WDFY2: variants seen among roughly 807,000 people sequenced by gnomAD.
The protein encoded by WDFY2 is WD repeat and FYVE domain containing 2.
WDFY2 carries 36 observed loss-of-function variants against 56.4 expected under a neutral mutation model. That is an observed-to-expected ratio of 0.64 (90% CI 0.49 to 0.84). The LOEUF (loss-of-function observed/expected upper bound fraction) is 0.84, where lower values mean the gene tolerates loss of function less well. Among genes scored for constraint, WDFY2 ranks in the 40% least tolerant of loss-of-function variants. The probability of loss-of-function intolerance (pLI) is 0.00; values close to 1 mark genes in which losing one functional copy is unlikely to be tolerated. For missense variants in WDFY2, 444 were observed against 512.2 expected (o/e 0.87, Z 1.29); for synonymous variants, 176 against 183.7 (o/e 0.96, Z 0.34).
chr13:51,685,361 C>T (rs1161887997), intron 3 of WDFY2, among the ~76,000 whole-genome samples: 5 of 152,300 alleles, frequency 3.3e-5, no homozygotes, highest in African/African-American at 1.2e-4. Flanking sequence ...GTTAGGGGCA[C>T]TGACCCCACC....
chr13:51,667,740 T>A (rs1566096548), intron 2 of WDFY2, among the ~76,000 whole-genome samples: 1 of 152,182 alleles, frequency 6.6e-6, no homozygotes, highest in Non-Finnish European at 1.5e-5. Flanking sequence ...ATCCATTTAT[T>A]GCTTTCTTTT....
At chr13:51,709,889 T>A (rs1952170820) in intron 4 of WDFY2, among the ~76,000 whole-genome samples, 1 of 152,138 alleles carries the variant, frequency 6.6e-6, no homozygotes, top group African/African-American at 2.4e-5. Flanking sequence ...CTTCTGAAAC[T>A]ATTCCAATCA....
Position 51,759,951 on chromosome 13 carries a change from CT to C in WDFY2, c.*183del. 1 of 567,490 alleles carries C rather than the reference CT, an allele frequency of 1.8e-6. No homozygotes were observed. The highest frequency in any genetic ancestry group is 3.2e-6 in the Non-Finnish European group (1 of 314,334). The allele number at this position is 567,490 out of a possible 1,614,324, so 35.2% of individuals were successfully genotyped here. Reference sequence around the variant, plus strand: ...TGGCCAGTGAGCACTCGCAAGGGGACTCTTCCAACTTGTTCATACAATATAA... The same window carrying C: ...TGGCCAGTGAGCACTCGCAAGGGGACCTTCCAACTTGTTCATACAATATAA... On this transcript the variant is annotated 3_prime_UTR_variant, in exon 12 of 12. Coordinates refer to ENST00000298125, the MANE Select transcript of WDFY2 (RefSeq NM_052950.4).
intron 1 of WDFY2, among the ~76,000 whole-genome samples, chr13:51,650,420 C>T (rs1225483039): frequency 8.5e-5 from 13 of 152,188 alleles, no homozygotes; most frequent in South Asian, 8.3e-4. Context: ...TTCTCCTGCC[C>T]GATTGCCCTG....
At position 51,619,101 on chromosome 13, in the gene WDFY2, A is replaced by G. The variant is rs533393825; in HGVS notation, c.137+34277A>G. 3.3e-5 allele frequency among the ~76,000 whole-genome samples: 5 copies of G among 152,298 alleles called. No individual in the cohort carries two copies. In the South Asian group the frequency reaches 1.0e-3, roughly 32 times the overall value. On this transcript the variant is annotated intron_variant, in intron 1 of 11. Transcript: ENST00000298125. ...CTTTCTTTGATTTTCTCTCACATCT[A>G]TGTCTTTTCTATTATTCTTCATAAG...
At position 51,760,058 on chromosome 13, in the gene WDFY2, G is replaced by T; in HGVS notation, c.*289G>T. The stretch of plus-strand genomic sequence containing the variant: ...TGAGTGTACCGAAAAATCTGTGTGG[G>T]GTGTTTAATTTTTATACTTTTCAAC... On this transcript the variant is annotated 3_prime_UTR_variant, in exon 12 of 12. Transcript: ENST00000298125. The T allele has an allele frequency of 6.4e-6, 2 of 314,056 alleles. No homozygotes were observed. The highest frequency in any genetic ancestry group is 1.2e-5 in the Non-Finnish European group (2 of 172,374). 19.5% of individuals were successfully genotyped at this position (314,056 alleles called of 1,614,324 possible).
In WDFY2 at chr13:51,739,066, T is replaced by A. The variant is rs1424260853; in HGVS notation, c.616T>A (p.Cys206Ser). The A allele has an allele frequency of 6.3e-7, 1 of 1,596,088 alleles. No homozygotes were observed. The highest frequency in any genetic ancestry group is 8.5e-7 in the Non-Finnish European group (1 of 1,171,440). The change falls in exon 7 of 12, where the codon TGT becomes AGT. Residue 206 changes from cysteine (C) to serine (S), a missense_variant. Physicochemically the swap from Cys to Ser is moderately radical, Grantham distance 112 (BLOSUM62 -1). Coordinates refer to ENST00000298125, the MANE Select transcript of WDFY2 (RefSeq NM_052950.4). ...RGHTGGVTAL[C>S]WDPVQRVLFS... The stretch of plus-strand genomic sequence containing the variant: ...CCTCTCAGGTGGGGTGACCGCTCTC[T>A]GTTGGGACCCAGTCCAGCGGGTGTT...
At chr13:51,758,155 A>C in intron 10 of WDFY2, 37 bp from the exon 11 acceptor site, 1 of 1,499,262 alleles carries the variant, frequency 6.7e-7, no homozygotes, top group Non-Finnish European at 9.1e-7. Context: ...ATATGTCACC[A>C]CCTTTTCCCC....
intron 2 of WDFY2, among the ~76,000 whole-genome samples, chr13:51,662,093 C>T (rs1441876635): frequency 6.6e-6 from 1 of 152,102 alleles, no homozygotes; most frequent in Non-Finnish European, 1.5e-5. Context: ...CCCTCAGCCT[C>T]CCGAGTAGCT....
chr13:51,618,553 G>A (rs9568642), intron 1 of WDFY2, among the ~76,000 whole-genome samples: 54,419 of 152,062 alleles, frequency 0.36, 11,663 homozygotes, highest in Non-Finnish European at 0.48. Flanking sequence ...CCCTTATCTG[G>A]ATAACTTTAT....
At chr13:51,687,745 A>G (rs1790211574) in intron 3 of WDFY2, among the ~76,000 whole-genome samples, 1 of 152,156 alleles carries the variant, frequency 6.6e-6, no homozygotes, top group African/African-American at 2.4e-5. Flanking sequence ...CATTCCTTAA[A>G]ATCTGTAAAG....
Position 51,584,735 on chromosome 13 carries a change from G to C in WDFY2, c.48G>C (p.Leu16=). ...AGCCTCTGACCCGCAAGCCGATCCT[G>C]CTGCAGCGGATGGAGGGGTCCCAGG... ...QPKPLTRKPI[L]LQRMEGSQEV... The change falls in exon 1 of 12, where the codon CTG becomes CTC. Residue 16 remains leucine (L), a synonymous_variant. Coordinates refer to ENST00000298125, the MANE Select transcript of WDFY2 (RefSeq NM_052950.4). 1 of 1,613,844 alleles carries C rather than the reference G, an allele frequency of 6.2e-7. No homozygotes were observed.
intron 7 of WDFY2, among the ~76,000 whole-genome samples, chr13:51,744,005 C>T (rs931863851): frequency 3.3e-5 from 5 of 152,196 alleles, no homozygotes; most frequent in Admixed American, 1.3e-4. Context: ...TGCCCCCAGA[C>T]GGGGGTCCCT....
intron 1 of WDFY2, among the ~76,000 whole-genome samples, chr13:51,599,830 C>G (rs775075899): frequency 6.6e-6 from 1 of 151,776 alleles, no homozygotes; most frequent in African/African-American, 2.4e-5. Context: ...TTATGAAGTA[C>G]TATTCAACTT....
At chr13:51,741,288 G>A (rs557540767) in intron 7 of WDFY2, among the ~76,000 whole-genome samples, 2 of 152,216 alleles carry the variant, frequency 1.3e-5, no homozygotes, top group African/African-American at 4.8e-5. Flanking sequence ...GAAGGCCTTT[G>A]CCTGGTGCTT....
chr13:51,682,241 G>C (rs1483807523), intron 3 of WDFY2, among the ~76,000 whole-genome samples: 1 of 152,156 alleles, frequency 6.6e-6, no homozygotes, highest in African/African-American at 2.4e-5. Context: ...ACTTCAGAAA[G>C]GCAGTGGCTG....
Position 51,707,107 on chromosome 13 carries a change from A to G in WDFY2, c.334+3457A>G, listed in dbSNP as rs372464471. 7.8e-4 allele frequency among the ~76,000 whole-genome samples: 119 copies of G among 152,376 alleles called. 1 individual carries two copies. The South Asian group carries it at 0.021, about 26-fold the overall frequency. ...GTAGAATATTAGACACAGACAGATT[A>G]GTGGAGTGGCAGATGGATTTGATGT... On this transcript the variant is annotated intron_variant, in intron 4 of 11. Coordinates refer to ENST00000298125, the MANE Select transcript of WDFY2 (RefSeq NM_052950.4).
chr13:51,744,389 C>T (rs905327529), intron 7 of WDFY2, among the ~76,000 whole-genome samples: 14 of 152,200 alleles, frequency 9.2e-5, no homozygotes, highest in Non-Finnish European at 2.9e-5. Flanking sequence ...CTTCTCTACC[C>T]TCTCCCTTAA....
intron 7 of WDFY2, among the ~76,000 whole-genome samples, chr13:51,749,193 A>G (rs1416921962): frequency 3.9e-5 from 6 of 152,190 alleles, no homozygotes; most frequent in Non-Finnish European, 8.8e-5. Context: ...GCTATTTTCA[A>G]ATGAATTAAT....
Sources: gnomAD v4.1 joint callset for allele counts (sites outside exome capture counted in the v4.1 genomes callset) on GRCh38, gnomAD v4.1.1 for gene constraint, MANE v1.5 for transcripts, NCBI Gene and HGNC (gene_info 2026-07-23, HGNC 2026-07-21) for gene names.